Variants in ESR1 observed in about 807,000 individuals in gnomAD.
The protein encoded by ESR1 is estrogen receptor 1.
ESR1 carries 12 observed loss-of-function variants against 52.7 expected under a neutral mutation model. The observed-to-expected ratio is 0.23, with a 90% CI of 0.15 to 0.37. The LOEUF (loss-of-function observed/expected upper bound fraction) is 0.37. ESR1 is among the 10% of genes least tolerant of loss of function. The pLI is 1.00. For synonymous variants in ESR1, 305 were observed against 316.8 expected, an observed-to-expected ratio of 0.96 and a Z score of 0.39; for missense variants, 584 against 779.7, an observed-to-expected ratio of 0.75 and a Z score of 2.99.
chr6:151,953,346 A>G (rs2036532301), intron 4 of ESR1, among the ~76,000 whole-genome samples: 1 of 152,182 alleles, frequency 6.6e-6, no homozygotes, highest in South Asian at 2.1e-4. Flanking sequence ...AATTTTCTTT[A>G]GGAGTTGAAG....
intron 1 of ESR1, among the ~76,000 whole-genome samples, chr6:151,832,024 A>G (rs1782516297): frequency 6.6e-6 from 1 of 152,166 alleles, no homozygotes; most frequent in South Asian, 2.1e-4. Flanking sequence ...CTTTTTAGGG[A>G]TGAGAATTAC....
chr6:151,686,204 G>A (rs1275343864), upstream of ESR1, among the ~76,000 whole-genome samples: 1 of 150,568 alleles, frequency 6.6e-6, no homozygotes. Flanking sequence ...AAGAAAGATA[G>A]TTTTAAAAAA....
rs1345012256 is a variant in ESR1 at position 152,102,516 on chromosome 6, A to G, written c.*3550A>G. 5 of 211,106 alleles carry G rather than the reference A, an allele frequency of 2.4e-5. No individual in the cohort carries two copies. Among genetic ancestry groups the G allele is most frequent in the Non-Finnish European group, 3.8e-5 (4 of 103,968 alleles). 13.1% of individuals were successfully genotyped at this position (211,106 alleles called of 1,614,324 possible). A position where few individuals can be genotyped will look rare whatever the true frequency, so the allele number is the denominator to read the frequency against. ...GGTGCAGGTCTTGGGAGCGTGATCT[A>G]GATTACACTGCACCATTCCCAAGTT... On this transcript the variant is annotated 3_prime_UTR_variant, in exon 8 of 8. Coordinates refer to ENST00000206249, the MANE Select transcript of ESR1 (RefSeq NM_000125.4).
chr6:151,739,314 G>A (rs1782906529), intron 2 of ESR1, among the ~76,000 whole-genome samples: 1 of 152,152 alleles, frequency 6.6e-6, no homozygotes, highest in African/African-American at 2.4e-5. Context: ...TAAACATGGT[G>A]TTTCTTGATG....
intron 1 of ESR1, among the ~76,000 whole-genome samples, chr6:151,815,128 A>G (rs527911622): frequency 3.5e-4 from 53 of 152,342 alleles, no homozygotes; most frequent in Non-Finnish European, 6.5e-4. Flanking sequence ...TGTCAGAAAC[A>G]TAGTTGATTT....
Position 152,042,897 on chromosome 6 carries a change from C to T in ESR1, c.1236-18094C>T, listed in dbSNP as rs189294031. Among the ~76,000 whole-genome samples, 135 of 152,228 alleles carry T rather than the reference C, an allele frequency of 8.9e-4. 1 individual carries two copies. Among genetic ancestry groups the T allele is most frequent in the African/African-American group, 3.2e-3 (131 of 41,528 alleles). On this transcript the variant is annotated intron_variant, in intron 5 of 7. Coordinates refer to ENST00000206249, the MANE Select transcript of ESR1 (RefSeq NM_000125.4). ...CCTTGCCTTGATGCTTGAGTGCCAC[C>T]ACTTGGCCCATGCCACCTCAGGATC... is the stretch of plus-strand genomic sequence containing the variant.
At chr6:152,007,409 T>C (rs2042415923) in intron 4 of ESR1, among the ~76,000 whole-genome samples, 1 of 151,922 alleles carries the variant, frequency 6.6e-6, no homozygotes, top group Admixed American at 6.6e-5. Flanking sequence ...AGTGAGCTGA[T>C]TTATGATGGA....
upstream of ESR1, among the ~76,000 whole-genome samples, chr6:151,800,597 T>C (rs928358694): frequency 2.0e-5 from 3 of 152,124 alleles, no homozygotes; most frequent in Admixed American, 6.5e-5. Context: ...TCCTCCTCCT[T>C]CTACCTCCTC....
chr6:151,749,409 T>C (rs1783733945), intron 2 of ESR1, among the ~76,000 whole-genome samples: 1 of 152,204 alleles, frequency 6.6e-6, no homozygotes, highest in African/African-American at 2.4e-5. Context: ...ACATTTATCA[T>C]TTCTTTGTGG....
intron 1 of ESR1, among the ~76,000 whole-genome samples, chr6:151,684,052 G>A (rs1778559907): frequency 6.6e-6 from 1 of 152,062 alleles, no homozygotes; most frequent in African/African-American, 2.4e-5. Flanking sequence ...CTAGACACAA[G>A]CTCCTCAGGA....
intron 2 of ESR1, among the ~76,000 whole-genome samples, chr6:151,865,255 G>T (rs796569539): frequency 6.6e-6 from 1 of 152,052 alleles, no homozygotes; most frequent in South Asian, 2.1e-4. Context: ...TTTTCTCATC[G>T]AATAATGTGT....
At position 152,099,619 on chromosome 6, in the gene ESR1, A is replaced by T; in HGVS notation, c.*653A>T. 4.1e-6 allele frequency: 1 copy of T among 246,308 alleles called. No individual in the cohort carries two copies. The highest frequency in any genetic ancestry group is 7.9e-6 in the Non-Finnish European group (1 of 127,194). 15.3% of individuals were successfully genotyped at this position (246,308 alleles called of 1,614,324 possible). ...GTTGGCAAGACTATTTTAACTTGAT[A>T]CACTGCAGATTCAGATGTGCTGAAA... On this transcript the variant is annotated 3_prime_UTR_variant, in exon 8 of 8. Coordinates refer to ENST00000206249, the MANE Select transcript of ESR1 (RefSeq NM_000125.4).
At chr6:151,805,200 A>G (rs141320915), upstream of ESR1, 2 of 152,262 alleles carry the variant, frequency 1.3e-5, no homozygotes, top group African/African-American at 4.8e-5. Flanking sequence ...TCCTGGTGCA[A>G]TCGGAGGCAT....
At chr6:151,937,612 G>T (rs2034519039) in intron 3 of ESR1, among the ~76,000 whole-genome samples, 1 of 152,170 alleles carries the variant, frequency 6.6e-6, no homozygotes, top group Non-Finnish European at 1.5e-5. Context: ...TATGAAAGGA[G>T]AGAAGGAAAG....
chr6:151,937,053 G>A (rs1180577988), intron 3 of ESR1, among the ~76,000 whole-genome samples: 1 of 152,088 alleles, frequency 6.6e-6, no homozygotes, highest in East Asian at 1.9e-4. Flanking sequence ...GCTTATCCTT[G>A]TTTTATAAAA....
At chr6:151,909,650 G>T (rs908314038) in intron 3 of ESR1, among the ~76,000 whole-genome samples, 2 of 152,114 alleles carry the variant, frequency 1.3e-5, no homozygotes, top group Non-Finnish European at 2.9e-5. Flanking sequence ...GTCATCAAAG[G>T]TTCCCTCAGC....
intron 3 of ESR1, among the ~76,000 whole-genome samples, chr6:151,927,207 A>T (rs2032889203): frequency 6.6e-6 from 1 of 152,160 alleles, no homozygotes; most frequent in African/African-American, 2.4e-5. Flanking sequence ...TTTGTTCATG[A>T]TGTATAATTT....
intron 1 of ESR1, among the ~76,000 whole-genome samples, chr6:151,818,276 T>G (rs1408421224): frequency 6.6e-6 from 1 of 152,154 alleles, no homozygotes; most frequent in Admixed American, 6.5e-5. Flanking sequence ...GAGATATGTA[T>G]AAATGCAAGT....
At chr6:151,696,233 G>A (rs975056687) in intron 1 of ESR1, among the ~76,000 whole-genome samples, 4 of 152,096 alleles carry the variant, frequency 2.6e-5, no homozygotes, top group Non-Finnish European at 4.4e-5. Flanking sequence ...TATTTTGGGA[G>A]GCTGAGGCCA....
Sources: gnomAD v4.1 joint callset for allele counts (sites outside exome capture counted in the v4.1 genomes callset) on GRCh38, gnomAD v4.1.1 for gene constraint, MANE v1.5 for transcripts, NCBI Gene and HGNC (gene_info 2026-07-23, HGNC 2026-07-21) for gene names.